The following GFRA1 variants were observed in gnomAD, a reference collection of about 807,000 sequenced individuals.
GFRA1 encodes GDNF family receptor alpha-1.
In GFRA1, 16 loss-of-function variants were observed where a neutral mutation model predicts 51.6. The ratio of observed to expected loss-of-function variants is 0.31; its 90% CI spans 0.21 to 0.47. GFRA1 has a LOEUF of 0.47. GFRA1 is among the 20% of genes least tolerant of loss of function. The pLI, the probability that GFRA1 is intolerant of heterozygous loss-of-function variation, is 1.00. For synonymous variants in GFRA1, 270 were observed against 241.3 expected (o/e 1.12, Z -1.10); for missense variants, 530 against 594.3 (o/e 0.89, Z 1.13).
At chr10:116,076,196 G>A (rs1955613341) in intron 9 of GFRA1, among the ~76,000 whole-genome samples, 1 of 152,096 alleles carries the variant, frequency 6.6e-6, no homozygotes, top group African/African-American at 2.4e-5. Flanking sequence ...GGGGTGTTCT[G>A]GGATGAGGAA....
intron 4 of GFRA1, among the ~76,000 whole-genome samples, chr10:116,266,123 T>C (rs551780042): frequency 6.6e-6 from 1 of 152,242 alleles, no homozygotes; most frequent in South Asian, 2.1e-4. Context: ...AAGCAAACAA[T>C]GGCTAAAGTG....
intron 8 of GFRA1, among the ~76,000 whole-genome samples, chr10:116,090,723 T>A (rs2133878406): frequency 6.7e-6 from 1 of 150,330 alleles, no homozygotes; most frequent in African/African-American, 2.5e-5. Flanking sequence ...TTGGCCTGGA[T>A]TTAGGGTTTT....
intron 9 of GFRA1, among the ~76,000 whole-genome samples, chr10:116,071,699 T>G (rs921240271): frequency 2.6e-5 from 4 of 152,166 alleles, no homozygotes; most frequent in African/African-American, 9.7e-5. Context: ...AACCCTCTTC[T>G]TTGACCTGAC....
intron 5 of GFRA1, among the ~76,000 whole-genome samples, chr10:116,178,239 ACACAAGGATGCTGG>A (rs1249424607): frequency 2.1e-5 from 3 of 146,282 alleles, no homozygotes; most frequent in African/African-American, 7.5e-5. Flanking sequence ...CATCCCCTAA[ACACAAGGATGCTGG>A]CTGTGCCAAG....
In GFRA1 at chr10:116,235,120, T is replaced by G. The variant is rs1033494072; in HGVS notation, c.419-23475A>C. ...TATGTTTTTATTAGCACTGTGAGAATGGACTAATGTGGCACCAGATCAACT... is the reference window on the plus strand; with the variant it reads ...TATGTTTTTATTAGCACTGTGAGAAGGGACTAATGTGGCACCAGATCAACT... On this transcript the variant is annotated intron_variant, in intron 4 of 10. Transcript: ENST00000355422. 1.6e-4 allele frequency among the ~76,000 whole-genome samples: 25 copies of G among 152,286 alleles called. No homozygotes were observed. The East Asian group carries it at 4.6e-3, about 28-fold the overall frequency.
intron 6 of GFRA1, among the ~76,000 whole-genome samples, chr10:116,112,284 A>G (rs778618819): frequency 2.0e-5 from 3 of 152,206 alleles, no homozygotes; most frequent in Non-Finnish European, 4.4e-5. Flanking sequence ...AGATGAAGCC[A>G]GCTAACTCTC....
intron 4 of GFRA1, among the ~76,000 whole-genome samples, chr10:116,216,128 G>T (rs1003229458): frequency 2.6e-5 from 4 of 152,150 alleles, no homozygotes; most frequent in Admixed American, 6.5e-5. Flanking sequence ...AGAGACAGGG[G>T]CCATAAAAAG....
At chr10:116,095,402 G>A (rs767171832) in intron 7 of GFRA1, among the ~76,000 whole-genome samples, 2 of 152,200 alleles carry the variant, frequency 1.3e-5, no homozygotes, top group Non-Finnish European at 2.9e-5. Context: ...TTTTTACAAT[G>A]AGAATGCCTT....
intron 5 of GFRA1, among the ~76,000 whole-genome samples, chr10:116,179,212 C>T (rs1961967296): frequency 1.3e-5 from 2 of 152,192 alleles, no homozygotes; most frequent in Non-Finnish European, 2.9e-5. Flanking sequence ...CTGGAAGGCA[C>T]TGATCTAAGC....
At chr10:116,237,956 A>T (rs1719278936) in intron 4 of GFRA1, among the ~76,000 whole-genome samples, 1 of 152,172 alleles carries the variant, frequency 6.6e-6, no homozygotes, top group African/African-American at 2.4e-5. Context: ...ATCAGCGCTG[A>T]TTAGACAGCC....
intron 5 of GFRA1, among the ~76,000 whole-genome samples, chr10:116,165,330 G>T (rs1960266876): frequency 6.8e-6 from 1 of 146,074 alleles, no homozygotes; most frequent in South Asian, 2.1e-4. Context: ...ACTTCCATAT[G>T]TTTGAAATGT....
chr10:116,122,228 A>G (rs1418771654), intron 6 of GFRA1, among the ~76,000 whole-genome samples: 1 of 152,158 alleles, frequency 6.6e-6, no homozygotes, highest in Non-Finnish European at 1.5e-5. Flanking sequence ...CTTCTCCCAG[A>G]GCCAGAAACG....
intron 6 of GFRA1, among the ~76,000 whole-genome samples, chr10:116,112,117 C>T (rs1373666522): frequency 6.6e-6 from 1 of 152,182 alleles, no homozygotes; most frequent in East Asian, 1.9e-4. Flanking sequence ...CATGTTTGAG[C>T]TTGAATTTTT....
chr10:116,224,605 T>G lies in GFRA1; in HGVS notation c.419-12960A>C, dbSNP rs1023039387. ...GAAGCCAGACACAAAGACCACGTAT[T>G]GTGTGGTTCTATTTATATGAAATAT... On this transcript the variant is annotated intron_variant, in intron 4 of 10. Coordinates refer to ENST00000355422, the MANE Select transcript of GFRA1 (RefSeq NM_005264.8). 4.6e-5 allele frequency among the ~76,000 whole-genome samples: 7 copies of G among 152,192 alleles called. 1 individual carries two copies. Among genetic ancestry groups the G allele is most frequent in the African/African-American group, 1.7e-4 (7 of 41,442 alleles).
At chr10:116,177,397 G>A (rs753501829) in intron 5 of GFRA1, among the ~76,000 whole-genome samples, 21 of 152,202 alleles carry the variant, frequency 1.4e-4, no homozygotes, top group Non-Finnish European at 2.9e-4. Context: ...CTCAGGCCAA[G>A]GTGGCATCAC....
At chr10:116,256,091 C>T (rs1280109354) in intron 4 of GFRA1, among the ~76,000 whole-genome samples, 1 of 152,150 alleles carries the variant, frequency 6.6e-6, no homozygotes, top group East Asian at 1.9e-4. Flanking sequence ...ACAAATGAAA[C>T]ATTCCGTAAG....
intron 6 of GFRA1, among the ~76,000 whole-genome samples, chr10:116,115,243 T>A (rs1311745501): frequency 6.6e-6 from 1 of 152,086 alleles, no homozygotes; most frequent in African/African-American, 2.4e-5. Flanking sequence ...CTTGGGGTAA[T>A]GCCTGGGATG....
intron 9 of GFRA1, among the ~76,000 whole-genome samples, chr10:116,087,082 C>T (rs913838810): frequency 2.4e-4 from 36 of 152,176 alleles, no homozygotes; most frequent in African/African-American, 8.7e-4. Flanking sequence ...AAGCAGAGTT[C>T]CTATCACTAA....
rs58982257 is a variant in GFRA1, at chr10:116,058,044, CAGAG to C, written c.*6350_*6353del. 4.3e-5 allele frequency: 5 copies of C among 115,070 alleles called. No homozygotes were observed. Among genetic ancestry groups the C allele is most frequent in the Non-Finnish European group, 9.7e-5 (5 of 51,454 alleles). The allele number at this position is 115,070 out of a possible 1,614,324, so 7.1% of individuals were successfully genotyped here. ...TGTGTGTGTGTGTGTGTGTGTGTGA[CAGAG>C]AGAACCACGCTTTATTGGCGGAGCC... On this transcript the variant is annotated 3_prime_UTR_variant, in exon 11 of 11. Coordinates refer to ENST00000355422, the MANE Select transcript of GFRA1 (RefSeq NM_005264.8).
Sources: allele counts gnomAD v4.1 joint callset (sites outside exome capture counted in the v4.1 genomes callset), GRCh38; gene constraint gnomAD v4.1.1; transcripts MANE v1.5; gene names NCBI Gene and HGNC (gene_info 2026-07-23, HGNC 2026-07-21).